Variants in SGSM2 observed in about 807,000 individuals in gnomAD.
The protein encoded by SGSM2 is RUN and TBC1 domain containing 1.
SGSM2 carries 89 observed loss-of-function variants against 126.6 expected under a neutral mutation model. That is an observed-to-expected ratio of 0.70 (90% CI 0.59 to 0.84). The LOEUF (loss-of-function observed/expected upper bound fraction) is 0.84. Among genes scored for constraint, SGSM2 ranks in the 40% least tolerant of loss-of-function variants. The probability of loss-of-function intolerance (pLI) is 0.00; values close to 1 mark genes in which losing one functional copy is unlikely to be tolerated. For synonymous variants in SGSM2, 614 were observed against 574.3 expected (o/e 1.07, Z -0.99); for missense variants, 1,404 against 1,416.6 (o/e 0.99, Z 0.14).
Position 2,373,434 on chromosome 17 carries a change from G to T in SGSM2, c.2021G>T (p.Arg674Leu). ...GAGCGGGAGGCCCACCCAGCCACAC[G>T]CACCAAGTTCTCCTCAGGCAGCAGC... ...QREREAHPAT[R>L]TKFSSGSSID... The change falls in exon 17 of 24, where the codon CGC becomes CTC. Residue 674 changes from arginine (R) to leucine (L), a missense_variant. Arg to Leu is a moderately radical substitution (Grantham distance 102, BLOSUM62 -2). Coordinates refer to ENST00000268989, the MANE Select transcript of SGSM2 (RefSeq NM_014853.3). 1 of 1,611,166 alleles carries T rather than the reference G, an allele frequency of 6.2e-7. No individual in the cohort carries two copies. The highest frequency in any genetic ancestry group is 8.5e-7 in the Non-Finnish European group (1 of 1,179,970).
At chr17:2,365,946 A>G (rs899863675) in intron 11 of SGSM2, among the ~76,000 whole-genome samples, 1 of 151,974 alleles carries the variant, frequency 6.6e-6, no homozygotes, top group Admixed American at 6.6e-5. Flanking sequence ...GGGTTTCACC[A>G]TATTGGCCAG....
At chr17:2,340,741 C>G (rs1028490535) in intron 1 of SGSM2, among the ~76,000 whole-genome samples, 1 of 152,036 alleles carries the variant, frequency 6.6e-6, no homozygotes. Flanking sequence ...CCTGCCACCA[C>G]GCCCGGCTAA....
chr17:2,379,144 A>T lies in SGSM2; in HGVS notation c.3008A>T (p.Tyr1003Phe). 1 of 1,614,160 alleles carries T rather than the reference A, an allele frequency of 6.2e-7. No individual in the cohort carries two copies. The highest frequency in any genetic ancestry group is 8.5e-7 in the Non-Finnish European group (1 of 1,180,024). The change falls in exon 23 of 24, where the codon TAC becomes TTC. Residue 1003 changes from tyrosine to phenylalanine, a missense_variant. Physicochemically the swap from Tyr to Phe is conservative, Grantham distance 22. Transcript: ENST00000268989. Reference protein sequence around the residue: ...LFIALALVEAYREIIRDNNMD... With the variant: ...LFIALALVEAFREIIRDNNMD... Reference sequence around the variant, plus strand: ...ATCGCCCTCGCCCTGGTGGAGGCCTACCGAGAGATCATCCGTGACAACAAC... The same window carrying T: ...ATCGCCCTCGCCCTGGTGGAGGCCTTCCGAGAGATCATCCGTGACAACAAC...
rs1266978527 is a variant in SGSM2, at chr17:2,360,763, TC to T, written c.134-871del. 5.9e-5 allele frequency among the ~76,000 whole-genome samples: 9 copies of T among 152,344 alleles called. No individual in the cohort carries two copies. The East Asian group carries it at 1.7e-3, about 29-fold the overall frequency. On this transcript the variant is annotated intron_variant, in intron 2 of 23. Transcript: ENST00000268989. ...AAACCACCTCCTTCTCCCCTCAGTGTCCCTGCCCCCAACCAGACACACCTGG... is the reference window on the plus strand; with the variant it reads ...AAACCACCTCCTTCTCCCCTCAGTGTCCTGCCCCCAACCAGACACACCTGG...
chr17:2,338,401 C>T (rs989257429), intron 1 of SGSM2, among the ~76,000 whole-genome samples: 12 of 152,152 alleles, frequency 7.9e-5, no homozygotes, highest in Non-Finnish European at 8.8e-5. Flanking sequence ...CTACTAACTC[C>T]GTTTACCTTG....
intron 1 of SGSM2, among the ~76,000 whole-genome samples, chr17:2,339,467 G>A (rs2064250450): frequency 6.6e-6 from 1 of 151,476 alleles, no homozygotes. Flanking sequence ...GCTCACGACT[G>A]TAATCCTAGC....
At chr17:2,349,946 C>G (rs1178226990) in intron 2 of SGSM2, among the ~76,000 whole-genome samples, 1 of 152,070 alleles carries the variant, frequency 6.6e-6, no homozygotes, top group Non-Finnish European at 1.5e-5. Context: ...CACCACCACG[C>G]TCGGCTAATT....
intron 2 of SGSM2, among the ~76,000 whole-genome samples, chr17:2,359,165 C>T (rs765479274): frequency 5.3e-5 from 8 of 152,202 alleles, no homozygotes; most frequent in South Asian, 2.1e-4. Flanking sequence ...GCGTGAGCCA[C>T]GGCGCCCAGA....
In SGSM2 at chr17:2,379,808, C is replaced by G; in HGVS notation, c.*288C>G. 1 of 1,333,474 alleles carries G rather than the reference C, an allele frequency of 7.5e-7. No homozygotes were observed. Among genetic ancestry groups the G allele is most frequent in the Non-Finnish European group, 9.6e-7 (1 of 1,037,950 alleles). 82.6% of individuals were successfully genotyped at this position (1,333,474 alleles called of 1,614,324 possible). ...TCTCACACATCTGGGAGTAGCCCCA[C>G]TGCCACCTGCAGCCGCAGCCTGGAC... On this transcript the variant is annotated 3_prime_UTR_variant, in exon 24 of 24. Transcript: ENST00000268989.
At position 2,367,303 on chromosome 17, in the gene SGSM2, C is replaced by T. The variant is rs764647021; in HGVS notation, c.1321C>T (p.Arg441Cys). 1.7e-5 allele frequency: 28 copies of T among 1,613,954 alleles called. 1 individual carries two copies. The South Asian group carries it at 2.3e-4, about 13-fold the overall frequency. Residue 441 changes from arginine to cysteine, a missense_variant, in exon 12 of 24, where the codon CGC becomes TGC. Transcript: ENST00000268989. The surrounding 1 kb of genome is among the most constrained non-coding windows in gnomAD (Gnocchi z 4.0). The part of the protein sequence containing the change: ...TINYHHLAAS[R>C]AASVDDDEEE... Reference sequence around the variant, plus strand: ...TAACTACCACCACCTAGCGGCCAGCCGCGCGGCCTCGGTGGACGATGATGA... The same window carrying T: ...TAACTACCACCACCTAGCGGCCAGCTGCGCGGCCTCGGTGGACGATGATGA...
intron 22 of SGSM2, 61 bp from the exon 23 acceptor site, chr17:2,378,975 C>T (rs2066303099): frequency 1.9e-6 from 3 of 1,549,252 alleles, no homozygotes; most frequent in Non-Finnish European, 2.6e-6. Context: ...AGCCTCAATC[C>T]CAGCCTCAGC....
At chr17:2,364,261 C>T (rs2065455906) in intron 8 of SGSM2, 78 bp downstream of exon 8, 16 of 1,568,342 alleles carry the variant, frequency 1.0e-5, no homozygotes, top group East Asian at 2.3e-5. Flanking sequence ...GGAGAAACCC[C>T]GCTTGCTCCA....
rs1382927623 is a variant in SGSM2, at chr17:2,371,351, C to T, written c.1513C>T (p.Leu505Phe). 6.2e-7 allele frequency: 1 copy of T among 1,612,270 alleles called. No homozygotes were observed. The highest frequency in any genetic ancestry group is 2.2e-5 in the East Asian group (1 of 44,814). Residue 505 changes from leucine to phenylalanine, a missense_variant, in exon 13 of 24, where the codon CTC becomes TTC. Leu to Phe is a conservative substitution (Grantham distance 22, BLOSUM62 0). Transcript: ENST00000268989. ...CCTGTGCAGTCAGGGCTCCTCCTGC[C>T]TCTCCTGCTCCTCCAGCAGCTCCCC... The part of the protein sequence containing the change: ...EPLCSQGSSC[L>F]SCSSSSSPHA...
chr17:2,372,426 C>T lies in SGSM2; in HGVS notation c.1726C>T (p.Pro576Ser). 1.3e-6 allele frequency: 2 copies of T among 1,598,976 alleles called. No homozygotes were observed. Among genetic ancestry groups the T allele is most frequent in the East Asian group, 2.3e-5 (1 of 44,326 alleles). The change falls in exon 15 of 24, where the codon CCC becomes TCC. Residue 576 changes from proline (P) to serine (S), a missense_variant. Transcript: ENST00000268989. The surrounding 1 kb of genome is among the most constrained non-coding windows in gnomAD (Gnocchi z 6.0). ...VHHSVIPPDRPPGASAGLTKD... is the reference protein window; with the variant it reads ...VHHSVIPPDRSPGASAGLTKD... ...CCATAGCGTTATCCCACCTGACCGG[C>T]CCCCGGGGGCCTCCGCGGGCCTCAC...
In SGSM2 at chr17:2,380,589, G is replaced by C. The variant is rs549187399; in HGVS notation, c.*1069G>C. 2 of 500,976 alleles carry C rather than the reference G, an allele frequency of 4.0e-6. No individual in the cohort carries two copies. Among genetic ancestry groups the C allele is most frequent in the South Asian group, 4.2e-5 (2 of 47,304 alleles). The allele number at this position is 500,976 out of a possible 1,614,324, so 31.0% of individuals were successfully genotyped here. A position where few individuals can be genotyped will look rare whatever the true frequency, so the allele number is the denominator to read the frequency against. Reference sequence around the variant, plus strand: ...ACCCAGAAACCCCCTTGGAGGAGCTGTGTATGCGGGGGTGCCAGGAAGGGC... The same window carrying C: ...ACCCAGAAACCCCCTTGGAGGAGCTCTGTATGCGGGGGTGCCAGGAAGGGC... On this transcript the variant is annotated 3_prime_UTR_variant, in exon 24 of 24. Transcript: ENST00000268989.
chr17:2,378,963 T>C (rs1020611374), intron 22 of SGSM2, 73 bp from the exon 23 acceptor site: 34 of 1,516,112 alleles, frequency 2.2e-5, no homozygotes, highest in African/African-American at 2.2e-4. Flanking sequence ...AATCCCAGCC[T>C]CAGCCTCAAT....
intron 12 of SGSM2, among the ~76,000 whole-genome samples, chr17:2,368,124 A>C (rs1192554689): frequency 6.6e-6 from 1 of 152,166 alleles, no homozygotes; most frequent in Non-Finnish European, 1.5e-5. Context: ...TGCGCCAGGG[A>C]TATAAGACAG....
At chr17:2,378,034 C>T in intron 22 of SGSM2, 81 bp downstream of exon 22, 3 of 892,590 alleles carry the variant, frequency 3.4e-6, no homozygotes, top group Non-Finnish European at 5.4e-6. Flanking sequence ...GTTCTCAATC[C>T]TAACTGGACC....
At chr17:2,338,489 GA>G (rs1188002302) in intron 1 of SGSM2, among the ~76,000 whole-genome samples, 4 of 152,070 alleles carry the variant, frequency 2.6e-5, no homozygotes, top group African/African-American at 9.7e-5. Flanking sequence ...ATGAGAGCTG[GA>G]GAGCTCCAAC....
Sources: allele counts gnomAD v4.1 joint callset (sites outside exome capture counted in the v4.1 genomes callset), GRCh38; gene constraint gnomAD v4.1.1; non-coding constraint Gnocchi (gnomAD v3.1); transcripts MANE v1.5; gene names NCBI Gene and HGNC (gene_info 2026-07-23, HGNC 2026-07-21).